The following MSRA variants were observed in gnomAD, a reference collection of about 807,000 sequenced individuals.
MSRA encodes mitochondrial peptide methionine sulfoxide reductase.
In MSRA, 54 loss-of-function variants were observed where a neutral mutation model predicts 31.3. The ratio of observed to expected loss-of-function variants is 1.73; its 90% CI spans 1.39 to 2.17. The LOEUF is 2.17. Ranked by LOEUF, MSRA falls within the 30% of genes most tolerant of loss-of-function variation. The pLI, the probability that MSRA is intolerant of heterozygous loss-of-function variation, is 0.00. For synonymous variants in MSRA, 169 were observed against 116.5 expected, an observed-to-expected ratio of 1.45 and a Z score of -2.90; for missense variants, 507 against 300.9, an observed-to-expected ratio of 1.69 and a Z score of -5.07.
intron 1 of MSRA, among the ~76,000 whole-genome samples, chr8:10,135,673 A>G (rs942340115): frequency 7.2e-5 from 11 of 152,216 alleles, no homozygotes; most frequent in African/African-American, 2.7e-4. Flanking sequence ...GCGTGCCCCT[A>G]TGCTAAATAT....
At chr8:10,080,421 G>T (rs572807423) in intron 1 of MSRA, among the ~76,000 whole-genome samples, 4 of 151,702 alleles carry the variant, frequency 2.6e-5, no homozygotes, top group Non-Finnish European at 4.4e-5. Context: ...AAGGAGAACC[G>T]TGCTGTGGTT....
At chr8:10,418,584 G>A (rs1188657297) in intron 5 of MSRA, among the ~76,000 whole-genome samples, 1 of 152,004 alleles carries the variant, frequency 6.6e-6, no homozygotes, top group Non-Finnish European at 1.5e-5. Flanking sequence ...TGGGTAGAGT[G>A]TCCAAAGCAT....
At chr8:10,088,713 G>A (rs988375684) in intron 1 of MSRA, among the ~76,000 whole-genome samples, 2 of 152,014 alleles carry the variant, frequency 1.3e-5, no homozygotes, top group Non-Finnish European at 2.9e-5. Context: ...TCCAGCCTGG[G>A]CACCAGAGTG....
At chr8:10,166,478 T>C (rs1805135769) in intron 1 of MSRA, among the ~76,000 whole-genome samples, 1 of 152,158 alleles carries the variant, frequency 6.6e-6, no homozygotes. Flanking sequence ...CATGACTACA[T>C]ATGTGTGTGC....
At chr8:10,079,854 G>T (rs1195448790) in intron 1 of MSRA, among the ~76,000 whole-genome samples, 1 of 152,170 alleles carries the variant, frequency 6.6e-6, no homozygotes, top group Non-Finnish European at 1.5e-5. Context: ...AATTTGCTGT[G>T]CAGCTTTGAG....
chr8:10,092,015 T>C (rs1487632112), intron 1 of MSRA, among the ~76,000 whole-genome samples: 1 of 151,724 alleles, frequency 6.6e-6, no homozygotes, highest in Non-Finnish European at 1.5e-5. Context: ...CTCCACGTTC[T>C]TGTCAATACT....
chr8:10,175,441 T>C (rs1436180764), intron 1 of MSRA, among the ~76,000 whole-genome samples: 1 of 152,220 alleles, frequency 6.6e-6, no homozygotes, highest in African/African-American at 2.4e-5. Flanking sequence ...GTCAAGAATG[T>C]AACACAGGAT....
intron 1 of MSRA, among the ~76,000 whole-genome samples, chr8:10,180,881 C>A (rs1381690606): frequency 1.3e-5 from 2 of 152,210 alleles, no homozygotes; most frequent in Non-Finnish European, 2.9e-5. Context: ...TTCTTCACTA[C>A]TTCCAAATGT....
At position 10,152,858 on chromosome 8, in the gene MSRA, C is replaced by T. The variant is rs141096262; in HGVS notation, c.143-54975C>T. On this transcript the variant is annotated intron_variant, in intron 1 of 5. Transcript: ENST00000317173. The stretch of plus-strand genomic sequence containing the variant: ...AAGGAAATTCTGTCACTTGCTACAA[C>T]AGGGATGAACCTTGAGGACATGATG... Among the ~76,000 whole-genome samples the T allele has an allele frequency of 9.8e-5, 15 of 152,302 alleles. No individual in the cohort carries two copies. In the East Asian group the frequency reaches 2.9e-3, roughly 29 times the overall value.
At chr8:10,387,104 C>T (rs1396538777) in intron 5 of MSRA, among the ~76,000 whole-genome samples, 1 of 152,154 alleles carries the variant, frequency 6.6e-6, no homozygotes, top group South Asian at 2.1e-4. Flanking sequence ...CTGCCTGCTG[C>T]CTGCTGCCTG....
At chr8:10,422,667 C>G (rs992681064) in intron 5 of MSRA, among the ~76,000 whole-genome samples, 2 of 152,152 alleles carry the variant, frequency 1.3e-5, no homozygotes, top group Non-Finnish European at 2.9e-5. Context: ...GGGAGCTAGG[C>G]TCAGGTCATT....
At chr8:10,282,936 A>C (rs1254944411) in intron 3 of MSRA, among the ~76,000 whole-genome samples, 2 of 150,650 alleles carry the variant, frequency 1.3e-5, no homozygotes, top group African/African-American at 4.9e-5. Context: ...CTCCAGAAAA[A>C]CCCCCCAAAT....
intron 1 of MSRA, among the ~76,000 whole-genome samples, chr8:10,113,786 G>T (rs1157716162): frequency 2.0e-5 from 3 of 151,448 alleles, no homozygotes; most frequent in African/African-American, 7.3e-5. Context: ...TTAAAAAAAA[G>T]ATTATTAATT....
chr8:10,109,717 T>G (rs562851468), intron 1 of MSRA, among the ~76,000 whole-genome samples: 1 of 152,350 alleles, frequency 6.6e-6, no homozygotes, highest in African/African-American at 2.4e-5. Context: ...TGAAGAAACT[T>G]TATTTCTGAT....
intron 1 of MSRA, among the ~76,000 whole-genome samples, chr8:10,056,839 G>T (rs539612020): frequency 7.2e-5 from 11 of 152,200 alleles, no homozygotes; most frequent in Admixed American, 4.6e-4. Flanking sequence ...CTCCATCCAT[G>T]TCTGTTCTTA....
intron 5 of MSRA, among the ~76,000 whole-genome samples, chr8:10,418,589 A>C (rs371586856): frequency 6.6e-6 from 1 of 152,032 alleles, no homozygotes; most frequent in Non-Finnish European, 1.5e-5. Context: ...AGAGTGTCCA[A>C]AGCATTCACT....
chr8:10,354,808 G>C (rs1211053893), intron 5 of MSRA, among the ~76,000 whole-genome samples: 1 of 140,258 alleles, frequency 7.1e-6, no homozygotes, highest in Non-Finnish European at 1.5e-5. Context: ...TTATTTTATT[G>C]TTATCACTAT....
intron 5 of MSRA, among the ~76,000 whole-genome samples, chr8:10,360,136 C>T (rs1275753921): frequency 2.0e-5 from 3 of 152,180 alleles, no homozygotes; most frequent in Non-Finnish European, 4.4e-5. Flanking sequence ...GCTGCTGCTG[C>T]TGGAGTGAGC....
chr8:10,060,447 T>A (rs577480532), intron 1 of MSRA, among the ~76,000 whole-genome samples: 2 of 152,236 alleles, frequency 1.3e-5, no homozygotes, highest in East Asian at 3.9e-4. Flanking sequence ...AGCTAAGAAA[T>A]TAATGGCTGA....
Sources: allele counts gnomAD v4.1 joint callset (sites outside exome capture counted in the v4.1 genomes callset), GRCh38; gene constraint gnomAD v4.1.1; transcripts MANE v1.5; gene names NCBI Gene and HGNC (gene_info 2026-07-23, HGNC 2026-07-21).